SASH1: variants seen among roughly 807,000 people sequenced by gnomAD.
SASH1 encodes SAM and SH3 domain containing 1.
A neutral mutation model predicts 125.2 loss-of-function variants in SASH1; 44 were observed. The ratio of observed to expected loss-of-function variants is 0.35; its 90% CI spans 0.28 to 0.45. The LOEUF is 0.45. SASH1 is among the 20% of genes least tolerant of loss of function. SASH1 has a pLI of 1.00. For synonymous variants in SASH1, 639 were observed against 649.1 expected (o/e 0.98, Z 0.24); for missense variants, 1,426 against 1,614.5 (o/e 0.88, Z 2.00).
chr6:148,520,116 G>T, intron 10 of SASH1: 1 of 543,242 alleles, frequency 1.8e-6, no homozygotes, highest in Non-Finnish European at 3.3e-6. Context: ...CAAAGGGGGC[G>T]GGAGCTGCGG....
intron 1 of SASH1, among the ~76,000 whole-genome samples, chr6:148,385,356 G>A (rs555013653): frequency 1.1e-3 from 163 of 152,334 alleles, no homozygotes; most frequent in African/African-American, 3.6e-3. Context: ...AATTTCACTC[G>A]TAGGAAAAAC....
rs201422517 is a variant in SASH1, at chr6:148,545,982, C to T, written c.3349-33C>T. On this transcript the variant is annotated intron_variant, in intron 18 of 19. Coordinates refer to ENST00000367467, the MANE Select transcript of SASH1 (RefSeq NM_015278.5). ...GGAAAGAAAAACAAAATCCTTATGA[C>T]TCTTGATGTCATATTCCTGTTCTCC... The T allele has an allele frequency of 2.6e-4, 422 of 1,605,888 alleles. 2 individuals are homozygous for T. Among genetic ancestry groups the T allele is most frequent in the Middle Eastern group, 1.3e-3 (8 of 6,022 alleles).
At position 148,550,118 on chromosome 6, in the gene SASH1, G is replaced by A. The variant is rs73589324; in HGVS notation, c.*1560G>A. The A allele has an allele frequency of 0.012, 1,795 of 152,280 alleles. 30 individuals are homozygous for A. Among genetic ancestry groups the A allele is most frequent in the African/African-American group, 0.041 (1,690 of 41,532 alleles). 9.4% of individuals were successfully genotyped at this position (152,280 alleles called of 1,614,324 possible). On this transcript the variant is annotated 3_prime_UTR_variant, in exon 20 of 20. Coordinates refer to ENST00000367467, the MANE Select transcript of SASH1 (RefSeq NM_015278.5). The stretch of plus-strand genomic sequence containing the variant: ...GTGTGAGCCACCGCACCTGGCCTCT[G>A]TCCTCTTTTAGTCTAGTGTCTGGTT...
At chr6:148,391,638 T>C (rs565125089) in intron 2 of SASH1, among the ~76,000 whole-genome samples, 1 of 152,198 alleles carries the variant, frequency 6.6e-6, no homozygotes, top group African/African-American at 2.4e-5. Flanking sequence ...TAATCAGAGA[T>C]GCATTTGGAC....
At chr6:148,205,660 C>A in the SASH1 span, among the ~76,000 whole-genome samples, 2 of 152,294 alleles carry the variant, frequency 1.3e-5, no homozygotes, top group African/African-American at 4.8e-5. Flanking sequence ...GAAGACTCAG[C>A]TCTGACCACC....
chr6:148,303,741 G>A (rs774097594), intron 1 of SASH1, among the ~76,000 whole-genome samples: 1 of 151,238 alleles, frequency 6.6e-6, no homozygotes, highest in Non-Finnish European at 1.5e-5. Flanking sequence ...GTTCCAGTGA[G>A]CCAAGATTGT....
intron 7 of SASH1, chr6:148,479,757 A>T (rs549878350): frequency 6.5e-6 from 1 of 153,010 alleles, no homozygotes; most frequent in Admixed American, 6.5e-5. Context: ...AGAAGCAGCT[A>T]CAAAGCTCAT....
chr6:148,209,014 T>A, the SASH1 span, among the ~76,000 whole-genome samples: 1 of 152,358 alleles, frequency 6.6e-6, no homozygotes, highest in East Asian at 1.9e-4. Context: ...GTAGGCACAA[T>A]TCTACTTCCA....
At chr6:148,518,469 C>T (rs1366826283) in intron 9 of SASH1, among the ~76,000 whole-genome samples, 2 of 152,174 alleles carry the variant, frequency 1.3e-5, no homozygotes, top group Non-Finnish European at 2.9e-5. Flanking sequence ...GGCTGCCGTT[C>T]TTTTCCCCTC....
chr6:148,478,167 A>G (rs1372707925), intron 7 of SASH1, among the ~76,000 whole-genome samples: 4 of 152,214 alleles, frequency 2.6e-5, no homozygotes, highest in Admixed American at 6.5e-5. Context: ...TGATGCAGCA[A>G]TCCCACTGCT....
chr6:148,369,966 C>CA (rs562924566), intron 1 of SASH1, among the ~76,000 whole-genome samples: 30,502 of 93,908 alleles, frequency 0.32, 4,207 homozygotes, highest in Non-Finnish European at 0.36. Flanking sequence ...AAAAGAAAAA[C>CA]AAAAAAAAAA....
chr6:148,447,044 A>C (rs929520743), intron 4 of SASH1, among the ~76,000 whole-genome samples: 1 of 152,222 alleles, frequency 6.6e-6, no homozygotes, highest in African/African-American at 2.4e-5. Flanking sequence ...AATAGGAGCA[A>C]ATTCTACCCT....
the SASH1 span, among the ~76,000 whole-genome samples, chr6:148,213,817 G>C: frequency 6.6e-6 from 1 of 151,894 alleles, no homozygotes; most frequent in Non-Finnish European, 1.5e-5. Flanking sequence ...CCACTGTCAG[G>C]GCCCTACTAC....
At chr6:148,452,069 G>T (rs1231991625) in intron 4 of SASH1, among the ~76,000 whole-genome samples, 1 of 152,160 alleles carries the variant, frequency 6.6e-6, no homozygotes, top group African/African-American at 2.4e-5. Flanking sequence ...CATCTTCTCG[G>T]TCCCCATGAG....
chr6:148,446,147 C>T (rs12664918), intron 4 of SASH1, among the ~76,000 whole-genome samples: 13,825 of 102,418 alleles, frequency 0.13, 1,202 homozygotes, highest in East Asian at 0.27. Context: ...CTCACTCTGT[C>T]GCCCAGGCTG....
intron 17 of SASH1, among the ~76,000 whole-genome samples, chr6:148,543,306 T>C (rs1227650223): frequency 6.6e-6 from 1 of 152,148 alleles, no homozygotes; most frequent in Non-Finnish European, 1.5e-5. Context: ...CCTTGAGAAA[T>C]TGTACTCACC....
intron 1 of SASH1, among the ~76,000 whole-genome samples, chr6:148,308,790 A>T (rs2083224751): frequency 6.6e-6 from 1 of 150,504 alleles, no homozygotes; most frequent in African/African-American, 2.4e-5. Context: ...AGTCCATAAG[A>T]TTCTCTTTCT....
intron 7 of SASH1, among the ~76,000 whole-genome samples, chr6:148,486,409 C>T (rs1338241258): frequency 6.6e-6 from 1 of 152,212 alleles, no homozygotes; most frequent in African/African-American, 2.4e-5. Flanking sequence ...GTGTGAGCTA[C>T]TGCGCCTGGC....
At chr6:148,542,577 C>T (rs868308590) in intron 17 of SASH1, among the ~76,000 whole-genome samples, 4 of 152,054 alleles carry the variant, frequency 2.6e-5, no homozygotes, top group East Asian at 1.9e-4. Context: ...TTATGAGAGA[C>T]GGGGTTTCAC....
Sources: allele counts gnomAD v4.1 joint callset (sites outside exome capture counted in the v4.1 genomes callset), GRCh38; gene constraint gnomAD v4.1.1; transcripts MANE v1.5; gene names NCBI Gene and HGNC (gene_info 2026-07-23, HGNC 2026-07-21).